ITPR2: variants seen among roughly 807,000 people sequenced by gnomAD.
ITPR2 encodes the protein inositol 1,4,5-trisphosphate-gated calcium channel ITPR2.
A neutral mutation model predicts 317.1 loss-of-function variants in ITPR2; 207 were observed. That is an observed-to-expected ratio of 0.65 (90% CI 0.58 to 0.73). The LOEUF is 0.73. Ranked by LOEUF, ITPR2 falls within the 30% of genes least tolerant of loss-of-function variation. The pLI is 0.00. For missense variants in ITPR2, 2,613 were observed against 3,284.0 expected (o/e 0.80, Z 4.99); for synonymous variants, 1,156 against 1,149.1 (o/e 1.01, Z -0.12).
In ITPR2 at chr12:26,487,051, C is replaced by T. The variant is rs747312570; in HGVS notation, c.5554+17G>A. Reference sequence around the variant, plus strand: ...TTCTCTCACTCTGTTCTCCCAAATACTCAAATACTTCTTTACCTCTCATTC... The same window carrying T: ...TTCTCTCACTCTGTTCTCCCAAATATTCAAATACTTCTTTACCTCTCATTC... On this transcript the variant is annotated intron_variant, in intron 40 of 56. Coordinates refer to ENST00000381340, the MANE Select transcript of ITPR2 (RefSeq NM_002223.4). 1 of 1,605,130 alleles carries T rather than the reference C, an allele frequency of 6.2e-7. No homozygotes were observed.
intron 13 of ITPR2, among the ~76,000 whole-genome samples, chr12:26,679,029 A>G (rs1947973630): frequency 6.6e-6 from 1 of 152,258 alleles, no homozygotes; most frequent in African/African-American, 2.4e-5. Flanking sequence ...TAGATTCACA[A>G]AAGGAAAAGT....
At chr12:26,571,009 G>C (rs945052880) in intron 34 of ITPR2, among the ~76,000 whole-genome samples, 2 of 152,012 alleles carry the variant, frequency 1.3e-5, no homozygotes, top group African/African-American at 4.8e-5. Flanking sequence ...TTCCAGTTAG[G>C]CCCCCTGCAT....
chr12:26,792,799 GT>G (rs1023067477), intron 1 of ITPR2, among the ~76,000 whole-genome samples: 3 of 152,222 alleles, frequency 2.0e-5, no homozygotes, highest in African/African-American at 7.2e-5. Context: ...TATAGACTAA[GT>G]TTTCTTTTTC....
chr12:26,344,465 C>A (rs1035737070), intron 55 of ITPR2, among the ~76,000 whole-genome samples: 1 of 152,158 alleles, frequency 6.6e-6, no homozygotes, highest in Non-Finnish European at 1.5e-5. Flanking sequence ...CTTGTTCTAA[C>A]AGTAGACTGC....
intron 23 of ITPR2, among the ~76,000 whole-genome samples, chr12:26,626,157 G>T (rs1946619884): frequency 6.6e-6 from 1 of 152,070 alleles, no homozygotes; most frequent in African/African-American, 2.4e-5. Context: ...TAGAGACAGG[G>T]TTTCGCCATG....
At chr12:26,637,019 C>T (rs1327928936) in intron 21 of ITPR2, among the ~76,000 whole-genome samples, 2 of 152,190 alleles carry the variant, frequency 1.3e-5, no homozygotes, top group Admixed American at 6.5e-5. Flanking sequence ...AAACTGTGTA[C>T]TGAAAATGTA....
intron 45 of ITPR2, among the ~76,000 whole-genome samples, chr12:26,460,689 T>C (rs890780123): frequency 6.6e-6 from 1 of 151,978 alleles, no homozygotes; most frequent in Non-Finnish European, 1.5e-5. Context: ...AAAAAGCAAT[T>C]GCAGGCCCTA....
At chr12:26,665,742 C>T (rs765979650) in intron 14 of ITPR2, among the ~76,000 whole-genome samples, 168 bp downstream of exon 14, 2 of 152,262 alleles carry the variant, frequency 1.3e-5, no homozygotes, top group African/African-American at 2.4e-5. Context: ...ATGTAAGCCA[C>T]GCCTAGATCA....
At chr12:26,466,417 C>T (rs1314229058) in intron 45 of ITPR2, among the ~76,000 whole-genome samples, 1 of 152,180 alleles carries the variant, frequency 6.6e-6, no homozygotes, top group Non-Finnish European at 1.5e-5. Context: ...GAATGTTAGC[C>T]AAGGCCTCGG....
At chr12:26,813,107 TTAATTA>T (rs1276476942) in intron 1 of ITPR2, among the ~76,000 whole-genome samples, 1 of 152,220 alleles carries the variant, frequency 6.6e-6, no homozygotes, top group Non-Finnish European at 1.5e-5. Context: ...ATGTTAATTA[TTAATTA>T]TAATTCATAT....
At chr12:26,521,193 C>T (rs1465069444) in intron 37 of ITPR2, among the ~76,000 whole-genome samples, 1 of 152,086 alleles carries the variant, frequency 6.6e-6, no homozygotes, top group Non-Finnish European at 1.5e-5. Flanking sequence ...TTATACAAAA[C>T]TGACATTAAT....
chr12:26,530,980 G>A (rs1394810716), intron 37 of ITPR2, among the ~76,000 whole-genome samples: 1 of 152,142 alleles, frequency 6.6e-6, no homozygotes, highest in Non-Finnish European at 1.5e-5. Context: ...CACTTTTAGT[G>A]CTGAACTATC....
intron 54 of ITPR2, among the ~76,000 whole-genome samples, chr12:26,397,262 C>G (rs536162312): frequency 6.6e-6 from 1 of 152,218 alleles, no homozygotes; most frequent in East Asian, 1.9e-4. Context: ...GTCAGCAACA[C>G]TGAGCTGCTT....
chr12:26,480,035 C>A (rs1382079987), intron 43 of ITPR2, among the ~76,000 whole-genome samples: 1 of 152,194 alleles, frequency 6.6e-6, no homozygotes, highest in African/African-American at 2.4e-5. Flanking sequence ...AGAAAAATAT[C>A]ATTCCTATTC....
intron 21 of ITPR2, among the ~76,000 whole-genome samples, chr12:26,645,629 A>T (rs1947096226): frequency 6.6e-6 from 1 of 152,228 alleles, no homozygotes; most frequent in Non-Finnish European, 1.5e-5. Context: ...GGGAAGTGCT[A>T]AGTCCAGAAA....
chr12:26,687,061 T>C (rs921439278), intron 10 of ITPR2, among the ~76,000 whole-genome samples: 1 of 152,270 alleles, frequency 6.6e-6, no homozygotes, highest in Admixed American at 6.5e-5. Context: ...GGCATAATAA[T>C]ACTTGGAGAG....
At chr12:26,747,405 G>T (rs566427562) in intron 2 of ITPR2, among the ~76,000 whole-genome samples, 1 of 152,264 alleles carries the variant, frequency 6.6e-6, no homozygotes, top group African/African-American at 2.4e-5. Flanking sequence ...CAAGCCAGGT[G>T]TCTATTACAA....
intron 55 of ITPR2, among the ~76,000 whole-genome samples, chr12:26,370,223 G>A (rs1050637316): frequency 1.3e-5 from 2 of 152,168 alleles, no homozygotes; most frequent in African/African-American, 4.8e-5. Flanking sequence ...GTGGCCTGGG[G>A]TCACCCAAAA....
chr12:26,521,569 G>T (rs1943666644), intron 37 of ITPR2, among the ~76,000 whole-genome samples: 1 of 152,128 alleles, frequency 6.6e-6, no homozygotes, highest in Non-Finnish European at 1.5e-5. Context: ...TAGGTTTACA[G>T]ACTTAATTTG....
Sources: allele counts gnomAD v4.1 joint callset (sites outside exome capture counted in the v4.1 genomes callset), GRCh38; gene constraint gnomAD v4.1.1; transcripts MANE v1.5; gene names NCBI Gene and HGNC (gene_info 2026-07-23, HGNC 2026-07-21).